The following KCND3 variants were observed in gnomAD, a reference collection of about 807,000 sequenced individuals.
KCND3 encodes potassium voltage-gated channel subfamily D member 3.
Under a neutral mutation model 51.1 loss-of-function variants are expected in KCND3, and 9 were observed. The ratio of observed to expected loss-of-function variants is 0.18; its 90% CI spans 0.11 to 0.31. KCND3 has a LOEUF of 0.31. KCND3 is among the 10% of genes least tolerant of loss of function. The probability of loss-of-function intolerance (pLI) is 1.00; values close to 1 mark genes in which losing one functional copy is unlikely to be tolerated. For synonymous variants in KCND3, 349 were observed against 368.0 expected (o/e 0.95, Z 0.59); for missense variants, 526 against 903.8 (o/e 0.58, Z 5.36).
At chr1:111,789,335 T>A (rs1389932317) in intron 2 of KCND3, among the ~76,000 whole-genome samples, 1 of 152,100 alleles carries the variant, frequency 6.6e-6, no homozygotes, top group African/African-American at 2.4e-5. Flanking sequence ...CCACCGGGAA[T>A]AAGGAGCTGC....
chr1:111,894,931 G>C (rs1670025091), intron 2 of KCND3, among the ~76,000 whole-genome samples: 1 of 151,890 alleles, frequency 6.6e-6, no homozygotes, highest in South Asian at 2.1e-4. Context: ...AGAGGAGAAG[G>C]GAGAAGAGGA....
At chr1:111,935,028 C>G (rs1006358503) in intron 2 of KCND3, among the ~76,000 whole-genome samples, 9 of 152,198 alleles carry the variant, frequency 5.9e-5, no homozygotes, top group African/African-American at 2.2e-4. Flanking sequence ...TGACTCTAAA[C>G]TGAGTAATCA....
intron 2 of KCND3, among the ~76,000 whole-genome samples, chr1:111,890,522 G>A (rs564857094): frequency 7.2e-5 from 11 of 152,342 alleles, no homozygotes; most frequent in South Asian, 6.2e-4. Context: ...AGACACCTAA[G>A]TGTAGAGGCA....
At chr1:111,985,268 G>A (rs746943122) in intron 1 of KCND3, among the ~76,000 whole-genome samples, 13 of 152,128 alleles carry the variant, frequency 8.5e-5, no homozygotes, top group African/African-American at 2.7e-4. Context: ...AGATCCCACC[G>A]ACAACCCTGA....
intron 2 of KCND3, among the ~76,000 whole-genome samples, chr1:111,802,799 G>A (rs1057169729): frequency 5.3e-5 from 8 of 152,360 alleles, no homozygotes; most frequent in African/African-American, 1.9e-4. Flanking sequence ...ACAATTGAAT[G>A]TTTCAACTGA....
chr1:111,966,898 T>C (rs1403755517), intron 2 of KCND3, among the ~76,000 whole-genome samples: 2 of 152,070 alleles, frequency 1.3e-5, no homozygotes, highest in Non-Finnish European at 2.9e-5. Flanking sequence ...CCCAGCACTT[T>C]GGGAGGCCAA....
At chr1:111,782,247 G>A (rs767566023) in intron 3 of KCND3, among the ~76,000 whole-genome samples, 1 of 152,184 alleles carries the variant, frequency 6.6e-6, no homozygotes, top group African/African-American at 2.4e-5. Flanking sequence ...CACAAAGGAT[G>A]TATATCTCTT....
At chr1:111,970,174 T>C (rs1437089153) in intron 2 of KCND3, among the ~76,000 whole-genome samples, 2 of 152,026 alleles carry the variant, frequency 1.3e-5, no homozygotes, top group African/African-American at 4.8e-5. Context: ...CTGTCACCAC[T>C]CCAAGCTAAT....
At chr1:111,889,614 C>A (rs1440583023) in intron 2 of KCND3, among the ~76,000 whole-genome samples, 2 of 151,978 alleles carry the variant, frequency 1.3e-5, no homozygotes, top group Non-Finnish European at 2.9e-5. Context: ...GGAGACAGGT[C>A]TATGCCTGTC....
At chr1:111,837,312 A>G (rs536480055) in intron 2 of KCND3, among the ~76,000 whole-genome samples, 10 of 151,926 alleles carry the variant, frequency 6.6e-5, no homozygotes, top group Non-Finnish European at 8.8e-5. Flanking sequence ...ACCTGATGCT[A>G]CTCTCTGAGA....
At chr1:111,925,741 C>T (rs1671668155) in intron 2 of KCND3, among the ~76,000 whole-genome samples, 1 of 152,056 alleles carries the variant, frequency 6.6e-6, no homozygotes, top group Admixed American at 6.5e-5. Flanking sequence ...GAGTGCCTGC[C>T]CATGTGGTTT....
chr1:111,987,363 G>A (rs143012795), intron 1 of KCND3, among the ~76,000 whole-genome samples: 2 of 152,266 alleles, frequency 1.3e-5, no homozygotes, highest in Non-Finnish European at 2.9e-5. Context: ...ACAGCCAAAT[G>A]TTTACCCCAT....
Position 111,982,402 on chromosome 1 carries a change from C to G in KCND3, c.325G>C (p.Glu109Gln), listed in dbSNP as rs1571941433. ...RTGKLHYPRYECISAYDDELA... is the reference protein window; with the variant it reads ...RTGKLHYPRYQCISAYDDELA... Reference sequence around the variant, plus strand: ...TCGTCGTCGTAGGCAGAGATGCACTCGTAGCGCGGGTAGTGCAGCTTCCCC... The same window carrying G: ...TCGTCGTCGTAGGCAGAGATGCACTGGTAGCGCGGGTAGTGCAGCTTCCCC... The change falls in exon 2 of 8, where the codon GAG becomes CAG. Residue 109 changes from glutamate to glutamine, a missense_variant. Coordinates refer to ENST00000302127, the MANE Select transcript of KCND3 (RefSeq NM_001378969.1). The surrounding 1 kb of genome is among the most constrained non-coding windows in gnomAD (Gnocchi z 8.5). 2 of 1,614,200 alleles carry G rather than the reference C, an allele frequency of 1.2e-6. No homozygotes were observed. The highest frequency in any genetic ancestry group is 2.2e-5 in the South Asian group (2 of 91,076).
intron 2 of KCND3, among the ~76,000 whole-genome samples, chr1:111,827,345 G>C (rs1445265922): frequency 6.6e-6 from 1 of 152,244 alleles, no homozygotes; most frequent in African/African-American, 2.4e-5. Flanking sequence ...GCCCAAGTAA[G>C]CACACCCATG....
chr1:111,846,938 A>G (rs768033025), intron 2 of KCND3, among the ~76,000 whole-genome samples: 6 of 152,214 alleles, frequency 3.9e-5, no homozygotes, highest in Non-Finnish European at 8.8e-5. Context: ...GTGTTCTCCT[A>G]CTGGGTCTCC....
At chr1:111,852,402 T>C (rs1234811709) in intron 2 of KCND3, among the ~76,000 whole-genome samples, 3 of 152,240 alleles carry the variant, frequency 2.0e-5, no homozygotes, top group South Asian at 2.1e-4. Flanking sequence ...CGGCAGGGAC[T>C]AAGCCTGAGC....
chr1:111,962,047 C>A (rs935258225), intron 2 of KCND3, among the ~76,000 whole-genome samples: 13 of 152,170 alleles, frequency 8.5e-5, no homozygotes, highest in African/African-American at 3.1e-4. Flanking sequence ...CATTGCCACC[C>A]AAGCATGAGG....
chr1:111,961,204 AGT>A (rs1355478605), intron 2 of KCND3, among the ~76,000 whole-genome samples: 1 of 152,184 alleles, frequency 6.6e-6, no homozygotes, highest in Non-Finnish European at 1.5e-5. Context: ...TCACATATGC[AGT>A]GTGTGTCCTC....
chr1:111,892,278 C>T (rs1669868210), intron 2 of KCND3, among the ~76,000 whole-genome samples: 1 of 152,174 alleles, frequency 6.6e-6, no homozygotes, highest in Non-Finnish European at 1.5e-5. Context: ...GTCACTCAGC[C>T]CCCTAGACTC....
Sources: gnomAD v4.1 joint callset for allele counts (sites outside exome capture counted in the v4.1 genomes callset) on GRCh38, gnomAD v4.1.1 for gene constraint, Gnocchi (gnomAD v3.1) non-coding constraint, MANE v1.5 for transcripts, NCBI Gene and HGNC (gene_info 2026-07-23, HGNC 2026-07-21) for gene names.